Variants in GRIA1 observed in about 807,000 individuals in gnomAD.
GRIA1 encodes glutamate ionotropic receptor AMPA type subunit 1.
GRIA1 carries 31 observed loss-of-function variants against 99.2 expected under a neutral mutation model. That is an observed-to-expected ratio of 0.31 (90% confidence interval 0.23 to 0.42). The LOEUF (loss-of-function observed/expected upper bound fraction) is 0.42, where lower values mean the gene tolerates loss of function less well. Ranked by LOEUF, GRIA1 falls within the 10% of genes least tolerant of loss-of-function variation. The pLI, the probability that GRIA1 is intolerant of heterozygous loss-of-function variation, is 1.00. For synonymous variants in GRIA1, 438 were observed against 432.4 expected, an observed-to-expected ratio of 1.01 and a Z score of -0.16; for missense variants, 782 against 1,157.5, an observed-to-expected ratio of 0.68 and a Z score of 4.71.
At chr5:153,754,523 G>C (rs1037002822) in intron 11 of GRIA1, among the ~76,000 whole-genome samples, 4 of 152,176 alleles carry the variant, frequency 2.6e-5, no homozygotes, top group African/African-American at 7.2e-5. Context: ...AGGAGTCTTA[G>C]GTGTGTGGAA....
chr5:153,782,571 C>T (rs1421765154), intron 13 of GRIA1, among the ~76,000 whole-genome samples: 4 of 152,086 alleles, frequency 2.6e-5, no homozygotes, highest in African/African-American at 9.7e-5. Flanking sequence ...GAAGGCACAA[C>T]CCACTAACAA....
intron 11 of GRIA1, among the ~76,000 whole-genome samples, chr5:153,729,590 T>G (rs1261122427): frequency 6.6e-6 from 1 of 151,992 alleles, no homozygotes; most frequent in Non-Finnish European, 1.5e-5. Flanking sequence ...TCCATAGCCT[T>G]GAACCACAGA....
intron 11 of GRIA1, among the ~76,000 whole-genome samples, chr5:153,724,188 G>C (rs182724425): frequency 2.9e-4 from 44 of 152,240 alleles, no homozygotes; most frequent in African/African-American, 1.1e-3. Flanking sequence ...TGAGGGTCCT[G>C]TCTCTTAGAA....
rs570686512 is a variant in GRIA1 at position 153,536,747 on chromosome 5, C to T, written c.220+42682C>T. 2.1e-3 allele frequency among the ~76,000 whole-genome samples: 327 copies of T among 152,292 alleles called. 3 individuals carry two copies. The highest frequency in any genetic ancestry group is 7.3e-3 in the African/African-American group (305 of 41,564). ...GAAACATTTTGTTTCATTCTATCAC[C>T]TCTGCTAACCTCTTAACTAACTTGA... On this transcript the variant is annotated intron_variant, in intron 2 of 15. Transcript: ENST00000285900.
At chr5:153,594,146 C>T (rs568589240) in intron 2 of GRIA1, among the ~76,000 whole-genome samples, 35 of 152,258 alleles carry the variant, frequency 2.3e-4, no homozygotes, top group African/African-American at 8.2e-4. Flanking sequence ...GAAGCTGTTA[C>T]GATTATCTTT....
intron 11 of GRIA1, chr5:153,755,805 G>A (rs952838396): frequency 8.5e-5 from 13 of 152,234 alleles, no homozygotes; most frequent in African/African-American, 3.1e-4. Context: ...TTGAGATTCA[G>A]GTAGGAGATT....
chr5:153,504,141 C>G (rs1217327963), intron 2 of GRIA1, among the ~76,000 whole-genome samples: 1 of 151,974 alleles, frequency 6.6e-6, no homozygotes, highest in Non-Finnish European at 1.5e-5. Flanking sequence ...TTTTGCTTGA[C>G]ATGGGCCTAG....
chr5:153,752,987 A>G (rs1258144824), intron 11 of GRIA1, among the ~76,000 whole-genome samples: 1 of 152,212 alleles, frequency 6.6e-6, no homozygotes, highest in Non-Finnish European at 1.5e-5. Flanking sequence ...AAGTCAAGTG[A>G]TGAGAAATGC....
intron 11 of GRIA1, among the ~76,000 whole-genome samples, chr5:153,734,198 C>T (rs1458207851): frequency 6.6e-6 from 1 of 152,146 alleles, no homozygotes; most frequent in African/African-American, 2.4e-5. Context: ...CATGTAAGCT[C>T]CCCAATTCCT....
chr5:153,782,613 C>G (rs1461232), intron 13 of GRIA1, among the ~76,000 whole-genome samples: 93,102 of 151,892 alleles, frequency 0.61, 29,453 homozygotes, highest in East Asian at 0.94. Context: ...CTGGAAGTAC[C>G]ATAAAAATAA....
At chr5:153,765,836 C>T (rs1763480729) in intron 12 of GRIA1, among the ~76,000 whole-genome samples, 1 of 152,204 alleles carries the variant, frequency 6.6e-6, no homozygotes, top group South Asian at 2.1e-4. Flanking sequence ...GAGATTGTCC[C>T]TATTTTATAG....
At chr5:153,809,860 G>A (rs575910301) in intron 15 of GRIA1, among the ~76,000 whole-genome samples, 9 of 152,190 alleles carry the variant, frequency 5.9e-5, no homozygotes, top group Non-Finnish European at 1.3e-4. Flanking sequence ...AGTCTAGGAA[G>A]GCTTCAAGAC....
At chr5:153,756,491 G>A (rs1490249852) in intron 11 of GRIA1, among the ~76,000 whole-genome samples, 2 of 152,186 alleles carry the variant, frequency 1.3e-5, no homozygotes, top group Non-Finnish European at 2.9e-5. Context: ...AGGCAGGGTT[G>A]CCAACATCTG....
intron 8 of GRIA1, among the ~76,000 whole-genome samples, chr5:153,688,091 C>G (rs11951557): frequency 0.17 from 25,786 of 152,108 alleles, 2,477 homozygotes; most frequent in African/African-American, 0.25. Context: ...AGCAATGTTA[C>G]CTCTCTCTGA....
At chr5:153,675,576 T>C (rs1756511250) in intron 6 of GRIA1, among the ~76,000 whole-genome samples, 1 of 152,260 alleles carries the variant, frequency 6.6e-6, no homozygotes, top group South Asian at 2.1e-4. Context: ...TTTGTTTATC[T>C]GGACAAACAG....
rs1581650172 is a variant in GRIA1 at position 153,783,039 on chromosome 5, TG to T, written c.2271-11581del. On this transcript the variant is annotated intron_variant, in intron 13 of 15. Transcript: ENST00000285900. ...AGGGTCAGGCTGGAGGTGGGAGACC[TG>T]CAGGAGCAGAGTTTTCTTCTCTTCC... Among the ~76,000 whole-genome samples the T allele has an allele frequency of 3.3e-5, 5 of 152,286 alleles. No homozygotes were observed. The East Asian group carries it at 9.7e-4, about 29-fold the overall frequency.
At chr5:153,649,860 G>A (rs1754426589) in intron 3 of GRIA1, among the ~76,000 whole-genome samples, 1 of 152,184 alleles carries the variant, frequency 6.6e-6, no homozygotes, top group Non-Finnish European at 1.5e-5. Context: ...GCAGTTATTA[G>A]GTGACCATTT....
At chr5:153,657,037 T>C (rs1755010398) in intron 5 of GRIA1, among the ~76,000 whole-genome samples, 1 of 152,236 alleles carries the variant, frequency 6.6e-6, no homozygotes, top group South Asian at 2.1e-4. Flanking sequence ...TATCAGTACT[T>C]GATTCCTTTT....
chr5:153,539,541 T>C (rs1758876470), intron 2 of GRIA1, among the ~76,000 whole-genome samples: 1 of 152,228 alleles, frequency 6.6e-6, no homozygotes, highest in Non-Finnish European at 1.5e-5. Context: ...AGCAATTAAA[T>C]TGCTATATGG....
Sources: gnomAD v4.1 joint callset for allele counts (sites outside exome capture counted in the v4.1 genomes callset) on GRCh38, gnomAD v4.1.1 for gene constraint, MANE v1.5 for transcripts, NCBI Gene and HGNC (gene_info 2026-07-23, HGNC 2026-07-21) for gene names.